The following KLHDC1 variants were observed in gnomAD, a reference collection of about 807,000 sequenced individuals.
The protein encoded by KLHDC1 is kelch domain-containing protein 1.
Under a neutral mutation model 68.3 loss-of-function variants are expected in KLHDC1, and 53 were observed. That is an observed-to-expected ratio of 0.78 (90% CI 0.62 to 0.98). KLHDC1 has a LOEUF of 0.98. Among genes scored for constraint, KLHDC1 ranks in the 50% least tolerant of loss-of-function variants. KLHDC1 has a pLI of 0.00. For synonymous variants in KLHDC1, 148 were observed against 159.0 expected (o/e 0.93, Z 0.52); for missense variants, 470 against 492.3 (o/e 0.95, Z 0.43).
chr14:49,698,116 ATTCTT>A (rs1348739844), intron 1 of KLHDC1, among the ~76,000 whole-genome samples: 1 of 152,224 alleles, frequency 6.6e-6, no homozygotes, highest in Non-Finnish European at 1.5e-5. Flanking sequence ...TGTCTGCTCT[ATTCTT>A]GATGTTGTAA....
chr14:49,694,072 G>A (rs977232193), intron 1 of KLHDC1, among the ~76,000 whole-genome samples: 6 of 151,946 alleles, frequency 3.9e-5, no homozygotes, highest in African/African-American at 1.4e-4. Flanking sequence ...ATATTTCTAA[G>A]CTATTTTTAG....
rs1411647368 is a variant in KLHDC1 at position 49,715,757 on chromosome 14, A to T, written c.404+5376A>T. Among the ~76,000 whole-genome samples the T allele has an allele frequency of 1.8e-3, 224 of 123,452 alleles. 3 individuals are homozygous for T. The highest frequency in any genetic ancestry group is 5.6e-3 in the African/African-American group (180 of 32,102). The allele number at this position is 123,452 out of a possible 152,430, so 81.0% of individuals were successfully genotyped here. A position where few individuals can be genotyped will look rare whatever the true frequency, so the allele number is the denominator to read the frequency against. On this transcript the variant is annotated intron_variant, in intron 4 of 12. Coordinates refer to ENST00000359332, the MANE Select transcript of KLHDC1 (RefSeq NM_172193.3). ...TCTGTCTCAAAAAAAAAAAAAAAAA[A>T]AAAAAAAAATATATATATATATATA...
Position 49,740,368 on chromosome 14 carries a change from T to C in KLHDC1, c.981+186T>C, listed in dbSNP as rs369413639. ...TTTGTTTGTTTTTGAGATGGAGTCT[T>C]GCTCTGTCCCCCAGGCTGGAGTGCA... is the stretch of plus-strand genomic sequence containing the variant. On this transcript the variant is annotated intron_variant, in intron 11 of 12. Transcript: ENST00000359332. Among the ~76,000 whole-genome samples, 8 of 152,114 alleles carry C rather than the reference T, an allele frequency of 5.3e-5. No individual in the cohort carries two copies. In the East Asian group the frequency reaches 9.7e-4, roughly 18 times the overall value.
intron 7 of KLHDC1, 61 bp downstream of exon 7, chr14:49,729,070 T>A: frequency 8.9e-7 from 1 of 1,125,328 alleles, no homozygotes; most frequent in Non-Finnish European, 1.3e-6. Context: ...AAATTTATCC[T>A]CTGATTTCGT....
intron 10 of KLHDC1, among the ~76,000 whole-genome samples, chr14:49,738,495 C>G (rs1315634556): frequency 6.6e-6 from 1 of 151,916 alleles, no homozygotes; most frequent in Non-Finnish European, 1.5e-5. Context: ...TACAGGCATG[C>G]GCCAACAAGC....
intron 10 of KLHDC1, among the ~76,000 whole-genome samples, chr14:49,737,769 G>GT: frequency 6.6e-6 from 1 of 150,664 alleles, no homozygotes; most frequent in Non-Finnish European, 1.5e-5. Flanking sequence ...GGAGGCTGAG[G>GT]TGGGAGGATC....
At chr14:49,714,385 A>G (rs190817643) in intron 4 of KLHDC1, among the ~76,000 whole-genome samples, 75 of 152,038 alleles carry the variant, frequency 4.9e-4, no homozygotes, top group African/African-American at 1.8e-3. Context: ...AGGCAGAACA[A>G]TGGCTTGAAC....
chr14:49,717,883 T>C (rs540450494), intron 4 of KLHDC1, among the ~76,000 whole-genome samples: 2 of 152,254 alleles, frequency 1.3e-5, no homozygotes, highest in East Asian at 3.9e-4. Context: ...TGAGATATAA[T>C]TTATTTTTGT....
At chr14:49,710,731 A>G (rs1022158628) in intron 4 of KLHDC1, among the ~76,000 whole-genome samples, 2 of 152,080 alleles carry the variant, frequency 1.3e-5, no homozygotes, top group Non-Finnish European at 2.9e-5. Context: ...CTTCAACGCT[A>G]GTTTTTGTGA....
In KLHDC1 at chr14:49,713,798, GTATATATATATATATA is replaced by G. The variant is rs1174449263; in HGVS notation, c.404+3455_404+3470del. On this transcript the variant is annotated intron_variant, in intron 4 of 12. Transcript: ENST00000359332. ...GCTACTCAGGTGGCTGAGGCAGGAG[GTATATATATATATATA>G]TATATATATATATATATATATATAT... Among the ~76,000 whole-genome samples, 17 of 58,568 alleles carry G rather than the reference GTATATATATATATATA, an allele frequency of 2.9e-4. 1 individual carries two copies. Among genetic ancestry groups the G allele is most frequent in the African/African-American group, 1.0e-3 (15 of 14,624 alleles). The allele number at this position is 58,568 out of a possible 152,430, so 38.4% of individuals were successfully genotyped here.
In KLHDC1 at chr14:49,693,748, C is replaced by CTTTTTTTTTTT. The variant is rs1231129663; in HGVS notation, c.96+464_96+474dup. Among the ~76,000 whole-genome samples the CTTTTTTTTTTT allele has an allele frequency of 1.5e-3, 93 of 61,538 alleles. 20 individuals carry two copies. Among genetic ancestry groups the CTTTTTTTTTTT allele is most frequent in the Non-Finnish European group, 2.2e-3 (64 of 29,600 alleles). The allele number at this position is 61,538 out of a possible 152,430, so 40.4% of individuals were successfully genotyped here. ...TAAATATTTATTTTCTTTTCTTTTTCTTTTTTTTTTTTTTTTGAGATGGAG... is the reference window on the plus strand; with the variant it reads ...TAAATATTTATTTTCTTTTCTTTTTCTTTTTTTTTTTTTTTTTTTTTTTTTTTGAGATGGAG... On this transcript the variant is annotated intron_variant, in intron 1 of 12. Transcript: ENST00000359332.
chr14:49,701,997 C>T (rs775348511), intron 1 of KLHDC1, among the ~76,000 whole-genome samples: 3 of 151,964 alleles, frequency 2.0e-5, no homozygotes, highest in South Asian at 2.1e-4. Flanking sequence ...GGAGAAACCT[C>T]GTCTCTACTA....
chr14:49,728,947 C>G lies in KLHDC1; in HGVS notation c.589C>G (p.Arg197Gly). Residue 197 changes from arginine (R) to glycine (G), a missense_variant, in exon 7 of 13, where the codon CGA becomes GGA. By Grantham distance (125) the Arg-to-Gly change is moderately radical. Transcript: ENST00000359332. The part of the protein sequence containing the change: ...EIKGGVPPQP[R>G]AAHTCAVLGN... ...GCAGGGTGGAGTTCCACCACAGCCA[C>G]GAGCCGCGCATACATGTGCAGTTCT... is the stretch of plus-strand genomic sequence containing the variant. The G allele has an allele frequency of 1.9e-6, 3 of 1,613,356 alleles. No homozygotes were observed. The highest frequency in any genetic ancestry group is 2.5e-6 in the Non-Finnish European group (3 of 1,179,394).
chr14:49,693,742 C>CTTTTTTTTTTTTTTTTT (rs1566589138), intron 1 of KLHDC1, among the ~76,000 whole-genome samples: 5 of 60,974 alleles, frequency 8.2e-5, no homozygotes, highest in African/African-American at 2.7e-4. Flanking sequence ...ATTTTCTTTT[C>CTTTTTTTTTTTTTTTTT]TTTTTCTTTT....
intron 8 of KLHDC1, among the ~76,000 whole-genome samples, chr14:49,730,753 AC>A (rs1236864877): frequency 1.3e-5 from 2 of 152,020 alleles, no homozygotes; most frequent in African/African-American, 4.8e-5. Flanking sequence ...CAGGTGGATC[AC>A]CTGAGGTCAG....
intron 4 of KLHDC1, among the ~76,000 whole-genome samples, chr14:49,717,898 A>G (rs1295151177): frequency 5.3e-5 from 8 of 151,952 alleles, no homozygotes; most frequent in African/African-American, 1.9e-4. Flanking sequence ...TTTTGTTTTT[A>G]TAAGAGTCAG....
At chr14:49,717,485 T>G (rs1208963659) in intron 4 of KLHDC1, among the ~76,000 whole-genome samples, 1 of 152,204 alleles carries the variant, frequency 6.6e-6, no homozygotes, top group Non-Finnish European at 1.5e-5. Flanking sequence ...TGTTGGCTTA[T>G]TGGACATTTG....
intron 4 of KLHDC1, 52 bp from the exon 5 acceptor site, chr14:49,723,822 A>G: frequency 9.3e-7 from 1 of 1,071,706 alleles, no homozygotes; most frequent in Non-Finnish European, 1.4e-6. Context: ...CTTTCTATGA[A>G]CAAACTGGAA....
intron 7 of KLHDC1, 108 bp from the exon 8 acceptor site, chr14:49,729,382 G>A (rs1186783950): frequency 2.8e-6 from 2 of 721,230 alleles, no homozygotes; most frequent in African/African-American, 1.8e-5. Context: ...CATCTTATGT[G>A]AAGTAAAATA....
Sources: gnomAD v4.1 joint callset for allele counts (sites outside exome capture counted in the v4.1 genomes callset) on GRCh38, gnomAD v4.1.1 for gene constraint, MANE v1.5 for transcripts, NCBI Gene and HGNC (gene_info 2026-07-23, HGNC 2026-07-21) for gene names.